Variants in NCOR2 observed in about 807,000 individuals in gnomAD.
NCOR2 encodes CTG repeat protein 26.
A neutral mutation model predicts 262.9 loss-of-function variants in NCOR2; 81 were observed. The ratio of observed to expected loss-of-function variants is 0.31; its 90% CI spans 0.26 to 0.37. The LOEUF is 0.37. Among genes scored for constraint, NCOR2 ranks in the 10% least tolerant of loss-of-function variants. The probability of loss-of-function intolerance (pLI) is 1.00; values close to 1 mark genes in which losing one functional copy is unlikely to be tolerated. For synonymous variants in NCOR2, 1,659 were observed against 1,559.3 expected (o/e 1.06, Z -1.51); for missense variants, 3,385 against 3,621.4 (o/e 0.93, Z 1.68).
Position 124,549,899 on chromosome 12 carries a change from G to A in NCOR2, c.-164-14288C>T, listed in dbSNP as rs1172438289. Among the ~76,000 whole-genome samples, 1 of 152,162 alleles carries A rather than the reference G, an allele frequency of 6.6e-6. No homozygotes were observed. The highest frequency in any genetic ancestry group is 2.4e-5 in the African/African-American group (1 of 41,438). The stretch of plus-strand genomic sequence containing the variant: ...GGGGAAGTACACGCTAGGTACTTAT[G>A]GCAAGTATGTGAATGAACAAAATCT... On this transcript the variant is annotated intron_variant, in intron 1 of 32. Coordinates refer to the NCOR2 transcript ENST00000458234. The surrounding 1 kb of genome is among the most constrained non-coding windows in gnomAD (Gnocchi z 4.4).
intron 1 of NCOR2, among the ~76,000 whole-genome samples, chr12:124,521,184 G>A (rs1487400559): frequency 6.6e-6 from 1 of 152,254 alleles, no homozygotes; most frequent in Non-Finnish European, 1.5e-5. Flanking sequence ...TCCGGCTCCA[G>A]CTGGAAGAGA....
chr12:124,452,267 C>T (rs2045593950), intron 6 of NCOR2, among the ~76,000 whole-genome samples: 1 of 152,214 alleles, frequency 6.6e-6, no homozygotes, highest in South Asian at 2.1e-4. Flanking sequence ...GGCAAGGGGC[C>T]CTGTGAAGAT....
In NCOR2 at chr12:124,407,205, A is replaced by C. The variant is rs144477557; in HGVS notation, c.1483-4644T>G. ...CCCAAGGGGCACACCAGCCACAGAA[A>C]GATGTGGCCCCCAACTGTATGGAGC... On this transcript the variant is annotated intron_variant, in intron 13 of 46. Transcript: ENST00000405201. Among the ~76,000 whole-genome samples, 284 of 152,358 alleles carry C rather than the reference A, an allele frequency of 1.9e-3. 2 individuals carry two copies. The highest frequency in any genetic ancestry group is 6.3e-3 in the African/African-American group (261 of 41,584).
intron 1 of NCOR2, among the ~76,000 whole-genome samples, chr12:124,493,943 C>T (rs768025152): frequency 7.2e-5 from 11 of 152,128 alleles, no homozygotes; most frequent in Non-Finnish European, 8.8e-5. Flanking sequence ...GGGATGAGAG[C>T]GTGAGCTGCT....
upstream of NCOR2, among the ~76,000 whole-genome samples, chr12:124,497,707 G>A (rs142979636): frequency 6.6e-6 from 1 of 152,222 alleles, no homozygotes; most frequent in African/African-American, 2.4e-5. The surrounding 1 kb of genome is among the most constrained non-coding windows in gnomAD (Gnocchi z 4.2). Flanking sequence ...AGGCCGGGTG[G>A]CGGACAGCAG....
intron 6 of NCOR2, among the ~76,000 whole-genome samples, chr12:124,451,222 G>C (rs1202452113): frequency 2.0e-5 from 3 of 152,240 alleles, no homozygotes; most frequent in Non-Finnish European, 4.4e-5. Context: ...CTACAACGCC[G>C]GCCCCCCGAC....
upstream of NCOR2, among the ~76,000 whole-genome samples, chr12:124,497,246 C>A (rs1194203110): frequency 6.6e-6 from 1 of 152,226 alleles, no homozygotes; most frequent in Non-Finnish European, 1.5e-5. The surrounding 1 kb of genome is among the most constrained non-coding windows in gnomAD (Gnocchi z 4.2). Flanking sequence ...ATTCCGGAGC[C>A]AAGACTGACA....
At chr12:124,402,532 CTGCTGCTGCTGCTGCTGT>C (rs756084994) in exon 14 of NCOR2, 2 of 1,568,460 alleles carry the variant, frequency 1.3e-6, no homozygotes, top group South Asian at 1.2e-5. Flanking sequence ...GCTGCTGCTG[CTGCTGCTGCTGCTGCTGT>C]TGTTGCTGCT....
chr12:124,402,704 C>T lies in NCOR2; in HGVS notation c.1483-143G>A, dbSNP rs753562231. 39 of 1,452,160 alleles carry T rather than the reference C, an allele frequency of 2.7e-5. 1 individual carries two copies. The highest frequency in any genetic ancestry group is 2.9e-5 in the Non-Finnish European group (32 of 1,087,812). 90.0% of individuals were successfully genotyped at this position (1,452,160 alleles called of 1,614,324 possible). A position where few individuals can be genotyped will look rare whatever the true frequency, so the allele number is the denominator to read the frequency against. On this transcript the variant is annotated intron_variant, in intron 13 of 46. Coordinates refer to ENST00000405201, the Ensembl canonical transcript of NCOR2. ...CCACCCAGAAGAGGTCATAAACAACCGGGAAGCCAGGCCCCACTGGCATGA... is the reference window on the plus strand; with the variant it reads ...CCACCCAGAAGAGGTCATAAACAACTGGGAAGCCAGGCCCCACTGGCATGA...
exon 32 of NCOR2, chr12:124,344,675 G>T: frequency 6.6e-7 from 1 of 1,512,846 alleles, no homozygotes. Flanking sequence ...GGTGCCCCGT[G>T]GTCCTCATAG....
chr12:124,341,845 G>C (rs765769555), exon 34 of NCOR2: 2 of 1,607,300 alleles, frequency 1.2e-6, no homozygotes, highest in South Asian at 1.1e-5. Flanking sequence ...CAGCGTAGTT[G>C]AGTGCCAGCG....
chr12:124,453,937 A>T (rs934960176), intron 6 of NCOR2, among the ~76,000 whole-genome samples: 6 of 152,158 alleles, frequency 3.9e-5, no homozygotes, highest in Non-Finnish European at 8.8e-5. Flanking sequence ...GTCCCTGCCG[A>T]GGGGAGGGGC....
At chr12:124,384,847 T>C (rs996336960) in intron 17 of NCOR2, among the ~76,000 whole-genome samples, 10 of 151,818 alleles carry the variant, frequency 6.6e-5, no homozygotes, top group Admixed American at 2.0e-4. Context: ...AGGGGAGCTA[T>C]GCAACCCCTC....
intron 1 of NCOR2, among the ~76,000 whole-genome samples, chr12:124,501,681 C>A (rs145242821): frequency 1.6e-3 from 243 of 152,324 alleles, no homozygotes; most frequent in African/African-American, 5.7e-3. Flanking sequence ...ATTTGGGGCC[C>A]TCCCCTATCC....
intron 25 of NCOR2, 59 bp from the exon 28 acceptor site, chr12:124,354,641 G>T: frequency 2.1e-6 from 3 of 1,434,002 alleles, no homozygotes; most frequent in Middle Eastern, 2.0e-4. Flanking sequence ...CGGGAGGCTT[G>T]TCCCCACCCA....
In NCOR2 at chr12:124,372,218, C is replaced by T. The variant is rs370196674; in HGVS notation, c.2611G>A (p.Glu871Lys). 4.6e-5 allele frequency: 74 copies of T among 1,601,444 alleles called. No homozygotes were observed. Among genetic ancestry groups the T allele is most frequent in the Middle Eastern group, 1.6e-4 (1 of 6,066 alleles). ...TCCTTGCCCTTGGCCGGCCCCTCCT[C>T]GGCTTCCTCCGTGCACTCGCTCTTG... The change falls in exon 20 of 47, where the codon GAG becomes AAG. Residue 871 changes from glutamate to lysine, a missense_variant. By Grantham distance (56) the Glu-to-Lys change is moderately conservative. Around this residue, in one of 5 missense-constraint regions of NCOR2, gnomAD observed 1,615 missense variants for 1,626.9 expected, o/e 0.99. Transcript: ENST00000405201.
At position 124,347,719 on chromosome 12, in the gene NCOR2, A is replaced by T. The variant is rs1038380279; in HGVS notation, c.4072+106T>A. The T allele has an allele frequency of 4.5e-6, 5 of 1,121,218 alleles. No homozygotes were observed. The African/African-American group carries it at 6.2e-5, about 14-fold the overall frequency. The allele number at this position is 1,121,218 out of a possible 1,614,324, so 69.5% of individuals were successfully genotyped here. A position where few individuals can be genotyped will look rare whatever the true frequency, so the allele number is the denominator to read the frequency against. On this transcript the variant is annotated intron_variant, in intron 30 of 46. Transcript: ENST00000405201. Reference sequence around the variant, plus strand: ...ATGTGTGCTGCAGGCCTTTCTGCATACTTGTCCTGAGTTCCCACCACACTC... The same window carrying T: ...ATGTGTGCTGCAGGCCTTTCTGCATTCTTGTCCTGAGTTCCCACCACACTC...
chr12:124,372,683 C>T (rs2136028094), intron 19 of NCOR2, 73 bp from the exon 22 acceptor site: 1 of 1,391,312 alleles, frequency 7.2e-7, no homozygotes, highest in African/African-American at 1.4e-5. Flanking sequence ...ATGGCCCTGA[C>T]CCTCCGGATG....
intron 20 of NCOR2, among the ~76,000 whole-genome samples, chr12:124,364,951 G>A (rs960413423): frequency 3.4e-5 from 5 of 148,168 alleles, no homozygotes; most frequent in Non-Finnish European, 5.9e-5. Context: ...CCTGGACCGT[G>A]TTTGCGGGTA....
Sources: gnomAD v4.1 joint callset for allele counts (sites outside exome capture counted in the v4.1 genomes callset) on GRCh38, gnomAD v4.1.1 for gene constraint, gnomAD v4.1.1 regional missense constraint, Gnocchi (gnomAD v3.1) non-coding constraint, MANE v1.5 for transcripts, NCBI Gene and HGNC (gene_info 2026-07-23, HGNC 2026-07-21) for gene names.